Variants in GRID2 observed in about 807,000 individuals in gnomAD.
GRID2 encodes the protein glutamate ionotropic receptor delta type subunit 2.
In GRID2, 33 loss-of-function variants were observed where a neutral mutation model predicts 114.8. That is an observed-to-expected ratio of 0.29 (90% CI 0.22 to 0.38). GRID2 has a LOEUF of 0.38. Among genes scored for constraint, GRID2 ranks in the 10% least tolerant of loss-of-function variants. The pLI, the probability that GRID2 is intolerant of heterozygous loss-of-function variation, is 1.00. For missense variants in GRID2, 1,184 were observed against 1,257.7 expected (o/e 0.94, Z 0.89); for synonymous variants, 505 against 449.9 (o/e 1.12, Z -1.55).
chr4:93,735,177 G>GA (rs887793072), intron 14 of GRID2, among the ~76,000 whole-genome samples: 9 of 151,842 alleles, frequency 5.9e-5, no homozygotes, highest in Non-Finnish European at 1.0e-4. Flanking sequence ...ACCAAAGGGA[G>GA]AAAAAATGTT....
rs1193621109 is a variant in GRID2 at position 93,402,465 on chromosome 4, CAGTA to C, written c.1347+6759_1347+6762del. ...GCAGTAAAACTATGATGTGTAAACTCAGTAAAGAAAAAAAAGCATGAGTGATCAT... is the reference window on the plus strand; with the variant it reads ...GCAGTAAAACTATGATGTGTAAACTCAAGAAAAAAAAGCATGAGTGATCAT... On this transcript the variant is annotated intron_variant, in intron 9 of 15. Transcript: ENST00000282020. Among the ~76,000 whole-genome samples, 6 of 151,768 alleles carry C rather than the reference CAGTA, an allele frequency of 4.0e-5. No homozygotes were observed. The East Asian group carries it at 1.2e-3, about 29-fold the overall frequency.
intron 8 of GRID2, among the ~76,000 whole-genome samples, chr4:93,389,333 A>T (rs775452981): frequency 6.6e-6 from 1 of 152,160 alleles, no homozygotes; most frequent in Non-Finnish European, 1.5e-5. Flanking sequence ...TAATATTGTG[A>T]TCTGATAGAA....
chr4:93,559,586 C>T (rs1734683714), intron 13 of GRID2, among the ~76,000 whole-genome samples: 1 of 152,066 alleles, frequency 6.6e-6, no homozygotes, highest in South Asian at 2.1e-4. Flanking sequence ...ACAACAGATG[C>T]GGGAGAGGAT....
intron 14 of GRID2, among the ~76,000 whole-genome samples, chr4:93,662,023 C>A (rs1723544063): frequency 1.3e-5 from 2 of 152,312 alleles, no homozygotes; most frequent in Admixed American, 6.5e-5. Context: ...TTCCCCCCAA[C>A]CCTTGCTCAT....
At position 92,482,821 on chromosome 4, in the gene GRID2, ATG is replaced by A. The variant is rs199909332; in HGVS notation, c.89-107308_89-107307del. Among the ~76,000 whole-genome samples the A allele has an allele frequency of 1.9e-3, 282 of 152,328 alleles. 4 individuals carry two copies. In the East Asian group the frequency reaches 0.051, roughly 28 times the overall value. On this transcript the variant is annotated intron_variant, in intron 1 of 15. Transcript: ENST00000282020. ...AAACTCAGTATACATCACTTAAACA[ATG>A]TATTATTTTACAATATTAAATGCTT...
At chr4:93,177,233 A>T (rs1312124741) in intron 4 of GRID2, among the ~76,000 whole-genome samples, 2 of 149,644 alleles carry the variant, frequency 1.3e-5, no homozygotes, top group Non-Finnish European at 3.0e-5. Flanking sequence ...AATTGAAAAA[A>T]CTCTTTTTTT....
At chr4:93,210,971 A>G (rs1046126123) in intron 5 of GRID2, among the ~76,000 whole-genome samples, 1 of 152,128 alleles carries the variant, frequency 6.6e-6, no homozygotes, top group African/African-American at 2.4e-5. Context: ...TTACCTATTC[A>G]TGTCAATCAA....
chr4:93,676,874 T>C (rs564818819), intron 14 of GRID2, among the ~76,000 whole-genome samples: 2 of 152,136 alleles, frequency 1.3e-5, no homozygotes, highest in South Asian at 4.2e-4. Context: ...GATTTCTGCA[T>C]TTCCATCTGA....
chr4:93,265,809 T>C (rs891047539), intron 8 of GRID2, among the ~76,000 whole-genome samples: 1 of 152,200 alleles, frequency 6.6e-6, no homozygotes, highest in African/African-American at 2.4e-5. Flanking sequence ...CACCATGCAG[T>C]TCAAAATCAA....
intron 2 of GRID2, among the ~76,000 whole-genome samples, chr4:92,648,399 T>A (rs1029443054): frequency 6.7e-6 from 1 of 149,524 alleles, no homozygotes; most frequent in African/African-American, 2.5e-5. Context: ...GTTACATTTC[T>A]TGGAATATTT....
At chr4:92,630,045 G>A (rs1024730506) in intron 2 of GRID2, among the ~76,000 whole-genome samples, 22 of 151,706 alleles carry the variant, frequency 1.5e-4, no homozygotes, top group Non-Finnish European at 1.3e-4. Flanking sequence ...TTATAACAGT[G>A]TGATAAAATG....
chr4:93,362,498 T>C (rs1761969443), intron 8 of GRID2, among the ~76,000 whole-genome samples: 1 of 152,046 alleles, frequency 6.6e-6, no homozygotes, highest in Non-Finnish European at 1.5e-5. Context: ...TGGTTGATTT[T>C]TTTCTTTTAC....
intron 11 of GRID2, among the ~76,000 whole-genome samples, chr4:93,478,503 G>A (rs2149444047): frequency 6.6e-6 from 1 of 151,558 alleles, no homozygotes; most frequent in African/African-American, 2.4e-5. Flanking sequence ...CTTATTTTAA[G>A]TAAATATGTA....
chr4:92,671,880 T>G (rs1471397850), intron 2 of GRID2, among the ~76,000 whole-genome samples: 2 of 152,162 alleles, frequency 1.3e-5, no homozygotes, highest in Non-Finnish European at 2.9e-5. Context: ...GTAATATCTT[T>G]CCAGAACCTT....
intron 2 of GRID2, among the ~76,000 whole-genome samples, chr4:92,694,976 T>G (rs1350989461): frequency 6.6e-6 from 1 of 150,772 alleles, no homozygotes; most frequent in Non-Finnish European, 1.5e-5. Context: ...TCATTTTGTT[T>G]TGTTTTTTGG....
chr4:93,598,158 G>A lies in GRID2; in HGVS notation c.2194-28111G>A, dbSNP rs1031516468. Reference sequence around the variant, plus strand: ...CGTTGAAGTTAACACAGTCTAATAAGAGGAATGTCAGATTTCACATTTCAC... The same window carrying A: ...CGTTGAAGTTAACACAGTCTAATAAAAGGAATGTCAGATTTCACATTTCAC... On this transcript the variant is annotated intron_variant, in intron 13 of 15. Transcript: ENST00000282020. Among the ~76,000 whole-genome samples the A allele has an allele frequency of 3.3e-5, 5 of 152,278 alleles. No individual in the cohort carries two copies. In the East Asian group the frequency reaches 7.7e-4, roughly 23 times the overall value.
At chr4:93,064,945 G>A (rs570522665) in intron 2 of GRID2, among the ~76,000 whole-genome samples, 5 of 151,762 alleles carry the variant, frequency 3.3e-5, no homozygotes, top group African/African-American at 7.2e-5. Flanking sequence ...TAGATTTGGC[G>A]AATCATTCTG....
At chr4:93,042,299 CTATATA>C (rs771214923) in intron 2 of GRID2, among the ~76,000 whole-genome samples, 20,742 of 102,078 alleles carry the variant, frequency 0.2, 1,672 homozygotes, top group Middle Eastern at 0.31. Flanking sequence ...CTCTCTCTCT[CTATATA>C]TATATATATA....
chr4:92,605,959 T>G (rs976598336), intron 2 of GRID2, among the ~76,000 whole-genome samples: 1 of 146,496 alleles, frequency 6.8e-6, no homozygotes, highest in African/African-American at 2.5e-5. Flanking sequence ...GATTTTAAAT[T>G]CACCTGCTAT....
Sources: gnomAD v4.1 joint callset for allele counts (sites outside exome capture counted in the v4.1 genomes callset) on GRCh38, gnomAD v4.1.1 for gene constraint, MANE v1.5 for transcripts, NCBI Gene and HGNC (gene_info 2026-07-23, HGNC 2026-07-21) for gene names.